KLHL20: variants seen among roughly 807,000 people sequenced by gnomAD.
The protein encoded by KLHL20 is kelch-like protein 20.
In KLHL20, 29 loss-of-function variants were observed where a neutral mutation model predicts 69.5. The ratio of observed to expected loss-of-function variants is 0.42; its 90% CI spans 0.31 to 0.57. The LOEUF is 0.57. KLHL20 is among the 20% of genes least tolerant of loss of function. The pLI is 0.18. For synonymous variants in KLHL20, 253 were observed against 265.2 expected, an observed-to-expected ratio of 0.95 and a Z score of 0.45; for missense variants, 419 against 776.0, an observed-to-expected ratio of 0.54 and a Z score of 5.47.
intron 8 of KLHL20, 80 bp from the exon 9 acceptor site, chr1:173,774,225 T>C: frequency 6.5e-7 from 1 of 1,537,280 alleles, no homozygotes; most frequent in Non-Finnish European, 9.0e-7. Context: ...ACTCAGTATA[T>C]CGTTAGTGTG....
At chr1:173,774,495 GTCC>G (rs1648324537) in intron 9 of KLHL20, 57 bp downstream of exon 9, 1 of 1,592,574 alleles carries the variant, frequency 6.3e-7, no homozygotes, top group African/African-American at 1.3e-5. Flanking sequence ...TTCCTGGAGA[GTCC>G]TCCTACAAAA....
chr1:173,727,090 C>T (rs936138139), intron 2 of KLHL20, among the ~76,000 whole-genome samples: 5 of 151,864 alleles, frequency 3.3e-5, no homozygotes, highest in Non-Finnish European at 5.9e-5. Context: ...ACGAGAACTA[C>T]GTGACAAATG....
At chr1:173,743,534 A>ATT (rs147229262) in intron 3 of KLHL20, among the ~76,000 whole-genome samples, 16 of 141,364 alleles carry the variant, frequency 1.1e-4, no homozygotes, top group African/African-American at 3.4e-4. Flanking sequence ...CAAAGTGGTG[A>ATT]TTTTAAAAAA....
chr1:173,752,987 G>A (rs1023358889), intron 4 of KLHL20, among the ~76,000 whole-genome samples: 1 of 151,900 alleles, frequency 6.6e-6, no homozygotes, highest in African/African-American at 2.4e-5. Context: ...GGGCAGCGTG[G>A]TGATTCCCCG....
Position 173,785,897 on chromosome 1 carries a change from GTTTA to G in KLHL20, c.*655_*658del, listed in dbSNP as rs1378510501. On this transcript the variant is annotated 3_prime_UTR_variant, in exon 12 of 12. Transcript: ENST00000209884. Reference sequence around the variant, plus strand: ...GTCTTGTTTCTTTCTATATGAACTTGTTTATTTAGTCTTTTTTTCATAATATTCT... The same window carrying G: ...GTCTTGTTTCTTTCTATATGAACTTGTTTAGTCTTTTTTTCATAATATTCT... The G allele has an allele frequency of 6.6e-6, 1 of 152,060 alleles. No homozygotes were observed. The highest frequency in any genetic ancestry group is 2.4e-5 in the African/African-American group (1 of 41,392). 9.4% of individuals were successfully genotyped at this position (152,060 alleles called of 1,614,324 possible).
Position 173,726,955 on chromosome 1 carries a change from A to G in KLHL20, c.24-6758A>G, listed in dbSNP as rs762876628. Among the ~76,000 whole-genome samples, 30 of 152,316 alleles carry G rather than the reference A, an allele frequency of 2.0e-4. No individual in the cohort carries two copies. In the Middle Eastern group the frequency reaches 0.017, roughly 86 times the overall value. ...TCAGACTATCAAACTTCTCTGAGCT[A>G]AAGGAGGAAGTTCGAACCCATGGCA... On this transcript the variant is annotated intron_variant, in intron 2 of 11. Coordinates refer to ENST00000209884, the MANE Select transcript of KLHL20 (RefSeq NM_014458.4).
At chr1:173,752,784 C>A (rs1011544886) in intron 4 of KLHL20, among the ~76,000 whole-genome samples, 1 of 152,088 alleles carries the variant, frequency 6.6e-6, no homozygotes, top group Non-Finnish European at 1.5e-5. Flanking sequence ...TTATGGTATT[C>A]GGTGAGATCC....
chr1:173,730,963 T>C (rs570611262), intron 2 of KLHL20, among the ~76,000 whole-genome samples: 2 of 152,074 alleles, frequency 1.3e-5, no homozygotes, highest in African/African-American at 4.8e-5. Flanking sequence ...ATTTTTGCAA[T>C]CTACTCATCT....
chr1:173,781,124 A>G (rs539929607), intron 10 of KLHL20, among the ~76,000 whole-genome samples: 1 of 152,020 alleles, frequency 6.6e-6, no homozygotes, highest in Non-Finnish European at 1.5e-5. Context: ...TGAAAAATGT[A>G]TGTTATCTTC....
At chr1:173,774,815 T>G (rs969978371) in intron 9 of KLHL20, among the ~76,000 whole-genome samples, 3 of 152,180 alleles carry the variant, frequency 2.0e-5, no homozygotes, top group African/African-American at 7.2e-5. Flanking sequence ...GGTTTTGTTT[T>G]TGTTTGTGTT....
intron 10 of KLHL20, among the ~76,000 whole-genome samples, chr1:173,777,616 A>C (rs952915419): frequency 6.6e-6 from 1 of 152,180 alleles, no homozygotes; most frequent in African/African-American, 2.4e-5. Flanking sequence ...GGTTTTTATC[A>C]TGAAGGGATG....
intron 2 of KLHL20, among the ~76,000 whole-genome samples, chr1:173,725,103 G>A (rs1276918419): frequency 6.6e-6 from 1 of 151,758 alleles, no homozygotes; most frequent in Non-Finnish European, 1.5e-5. Context: ...TCTGTATTTG[G>A]TGAGTTTCTT....
intron 8 of KLHL20, among the ~76,000 whole-genome samples, chr1:173,771,156 A>G (rs1343006303): frequency 6.6e-6 from 1 of 152,246 alleles, no homozygotes; most frequent in Non-Finnish European, 1.5e-5. Context: ...AAGGGCACAG[A>G]CAACTATTAA....
chr1:173,729,673 A>G (rs1047876841), intron 2 of KLHL20, among the ~76,000 whole-genome samples: 2 of 152,108 alleles, frequency 1.3e-5, no homozygotes, highest in Non-Finnish European at 2.9e-5. Flanking sequence ...AAATTCAACA[A>G]CCTTCATGCT....
At chr1:173,724,091 G>A (rs1395083724) in intron 2 of KLHL20, among the ~76,000 whole-genome samples, 1 of 151,676 alleles carries the variant, frequency 6.6e-6, no homozygotes, top group East Asian at 1.9e-4. Context: ...CCGCAATCAA[G>A]GTTCTAAACA....
chr1:173,735,663 C>A (rs1289345945), intron 3 of KLHL20, among the ~76,000 whole-genome samples: 1 of 151,976 alleles, frequency 6.6e-6, no homozygotes, highest in Non-Finnish European at 1.5e-5. Flanking sequence ...TGAATAAGTT[C>A]TTCATTGATG....
Position 173,733,788 on chromosome 1 carries a change from G to T in KLHL20, c.99G>T (p.Leu33=). 2 of 1,614,090 alleles carry T rather than the reference G, an allele frequency of 1.2e-6. No homozygotes were observed. Among genetic ancestry groups the T allele is most frequent in the South Asian group, 1.1e-5 (1 of 91,076 alleles). The change falls in exon 3 of 12, where the codon CTG becomes CTT. Residue 33 remains leucine, a synonymous_variant. Coordinates refer to ENST00000209884, the MANE Select transcript of KLHL20 (RefSeq NM_014458.4). ...SRCTLGDPNK[L]PEGVPQPARM... ...GCACCCTTGGAGACCCCAACAAACT[G>T]CCAGAAGGGGTTCCCCAACCTGCCC...
chr1:173,737,568 C>A (rs1242265534), intron 3 of KLHL20, among the ~76,000 whole-genome samples: 1 of 152,184 alleles, frequency 6.6e-6, no homozygotes, highest in East Asian at 1.9e-4. Flanking sequence ...TCTATTCTTT[C>A]CATTGGTCTA....
chr1:173,750,570 C>T (rs1465438722), intron 3 of KLHL20, among the ~76,000 whole-genome samples: 2 of 151,290 alleles, frequency 1.3e-5, no homozygotes, highest in East Asian at 3.9e-4. Context: ...ACTGCAACCT[C>T]TGTCTCCCGC....
Sources: gnomAD v4.1 joint callset for allele counts (sites outside exome capture counted in the v4.1 genomes callset) on GRCh38, gnomAD v4.1.1 for gene constraint, MANE v1.5 for transcripts, NCBI Gene and HGNC (gene_info 2026-07-23, HGNC 2026-07-21) for gene names.